CAST: variants seen among roughly 807,000 people sequenced by gnomAD.
CAST encodes MIR583 host.
Under a neutral mutation model 119.6 loss-of-function variants are expected in CAST, and 76 were observed. The observed-to-expected ratio is 0.64, with a 90% CI of 0.53 to 0.77. The LOEUF is 0.77. Among genes scored for constraint, CAST ranks in the 30% least tolerant of loss-of-function variants. The probability of loss-of-function intolerance (pLI) is 0.00; values close to 1 mark genes in which losing one functional copy is unlikely to be tolerated. For synonymous variants in CAST, 319 were observed against 331.6 expected, an observed-to-expected ratio of 0.96 and a Z score of 0.41; for missense variants, 953 against 946.5, an observed-to-expected ratio of 1.01 and a Z score of -0.09.
At chr5:96,325,225 G>T in the CAST span, among the ~76,000 whole-genome samples, 2 of 151,788 alleles carry the variant, frequency 1.3e-5, no homozygotes, top group African/African-American at 4.8e-5. Context: ...AAAATAAAAT[G>T]GTTGATTGGT....
chr5:96,380,782 A>C, the CAST span, among the ~76,000 whole-genome samples: 1 of 152,218 alleles, frequency 6.6e-6, no homozygotes, highest in Admixed American at 6.5e-5. Context: ...TGTATGATGA[A>C]ATGTGTCAAT....
the CAST span, among the ~76,000 whole-genome samples, chr5:96,315,419 A>G: frequency 6.6e-6 from 1 of 152,220 alleles, no homozygotes; most frequent in Non-Finnish European, 1.5e-5. Flanking sequence ...TCAGAAATGT[A>G]TAGTGAACAA....
At chr5:96,433,065 A>G in the CAST span, 16 of 1,610,352 alleles carry the variant, frequency 9.9e-6, no homozygotes, top group East Asian at 2.2e-5. Context: ...CGCTTGAACA[A>G]GAGTGGGAAG....
the CAST span, chr5:96,412,449 C>T: frequency 6.2e-7 from 1 of 1,613,826 alleles, no homozygotes; most frequent in Non-Finnish European, 8.5e-7. Context: ...ATTGAACTGG[C>T]CTCAATAGCA....
At chr5:96,667,371 C>T (rs55804164) in intron 1 of CAST, among the ~76,000 whole-genome samples, 7,809 of 152,272 alleles carry the variant, frequency 0.051, 209 homozygotes, top group Middle Eastern at 0.092. Context: ...CTGGCCTCCT[C>T]TTGCATTTCT....
the CAST span, among the ~76,000 whole-genome samples, chr5:96,266,463 ACT>A: frequency 6.6e-6 from 1 of 152,080 alleles, no homozygotes; most frequent in Non-Finnish European, 1.5e-5. Flanking sequence ...AGCCCTGGAA[ACT>A]CTGCTCTGTA....
chr5:96,476,474 T>C, the CAST span, among the ~76,000 whole-genome samples: 1 of 152,140 alleles, frequency 6.6e-6, no homozygotes, highest in Non-Finnish European at 1.5e-5. Flanking sequence ...ATTATGAAAA[T>C]ATTTAGGCAG....
At chr5:96,280,254 G>A in the CAST span, among the ~76,000 whole-genome samples, 1 of 152,012 alleles carries the variant, frequency 6.6e-6, no homozygotes, top group South Asian at 2.1e-4. Context: ...TTTTGTTGCT[G>A]TTTGGTAGTT....
rs951048876 is a variant in CAST, at chr5:96,726,871, C to T, written c.336+12C>T. 6 of 1,594,660 alleles carry T rather than the reference C, an allele frequency of 3.8e-6. No individual in the cohort carries two copies. The highest frequency in any genetic ancestry group is 1.7e-5 in the Admixed American group (1 of 59,682). On this transcript the variant is annotated intron_variant, in intron 5 of 31. Transcript: ENST00000675179. ...AACACAAAAAACAGGTGATGTTGTT[C>T]ATTGTACTAGGGCATCTCTGTTTAC...
At chr5:96,361,351 G>T in the CAST span, among the ~76,000 whole-genome samples, 2 of 152,022 alleles carry the variant, frequency 1.3e-5, no homozygotes, top group East Asian at 1.9e-4. Context: ...GTTCTGTTTC[G>T]CTGGCATTCC....
intron 1 of CAST, among the ~76,000 whole-genome samples, chr5:96,534,737 G>GAGAGAGAA (rs1561408818): frequency 7.0e-5 from 1 of 14,202 alleles, no homozygotes; most frequent in African/African-American, 2.2e-4. Context: ...GAGAGAGAGA[G>GAGAGAGAA]AGAGAAAGAA....
At chr5:96,388,633 A>T in the CAST span, among the ~76,000 whole-genome samples, 1 of 152,196 alleles carries the variant, frequency 6.6e-6, no homozygotes, top group Non-Finnish European at 1.5e-5. Flanking sequence ...ACAATCATTT[A>T]TATGAATGTT....
chr5:96,027,916 A>C, the CAST span, among the ~76,000 whole-genome samples: 1 of 152,148 alleles, frequency 6.6e-6, no homozygotes, highest in Non-Finnish European at 1.5e-5. Context: ...AGGTCTTGAA[A>C]TCAGAAAATT....
chr5:96,762,968 TC>T, intron 25 of CAST: 2 of 582,976 alleles, frequency 3.4e-6, no homozygotes, highest in Non-Finnish European at 6.2e-6. Flanking sequence ...TTTCCAGACT[TC>T]CTTGACTAAT....
At chr5:96,044,008 T>G in the CAST span, among the ~76,000 whole-genome samples, 8 of 152,234 alleles carry the variant, frequency 5.3e-5, no homozygotes, top group African/African-American at 1.9e-4. Flanking sequence ...TTGGAAGGAA[T>G]AAATGTATAG....
At chr5:96,212,795 G>A in the CAST span, among the ~76,000 whole-genome samples, 3 of 152,028 alleles carry the variant, frequency 2.0e-5, no homozygotes, top group African/African-American at 7.2e-5. Flanking sequence ...CGACTTCTAT[G>A]TTCTCTTGGT....
chr5:96,748,578 A>G lies in CAST; in HGVS notation c.1393A>G (p.Lys465Glu), dbSNP rs1561574407. ...LSEDFDRSECKEKPSKPTEKT... is the reference protein window; with the variant it reads ...LSEDFDRSECEEKPSKPTEKT... ...AGAAGATTTTGACCGGTCTGAATGT[A>G]AAGAGAAACCATCTAAGCCAACTGA... The change falls in exon 19 of 32, where the codon AAA becomes GAA. Residue 465 changes from lysine to glutamate, a missense_variant. Physicochemically the swap from Lys to Glu is moderately conservative, Grantham distance 56 (BLOSUM62 1). Transcript: ENST00000675179. The G allele has an allele frequency of 1.3e-6, 2 of 1,567,008 alleles. No individual in the cohort carries two copies. Among genetic ancestry groups the G allele is most frequent in the Non-Finnish European group, 1.8e-6 (2 of 1,137,460 alleles).
the CAST span, among the ~76,000 whole-genome samples, chr5:96,255,945 C>T: frequency 1.3e-5 from 2 of 152,144 alleles, no homozygotes; most frequent in East Asian, 3.9e-4. Flanking sequence ...GTCTTTGGGA[C>T]CCTCTGTTAA....
intron 6 of CAST, chr5:96,728,884 T>C (rs946299343): frequency 8.0e-6 from 3 of 375,936 alleles, no homozygotes; most frequent in African/African-American, 6.4e-5. Context: ...TTTAGAGACA[T>C]ACGTGTATTT....
Sources: allele counts gnomAD v4.1 joint callset (sites outside exome capture counted in the v4.1 genomes callset), GRCh38; gene constraint gnomAD v4.1.1; transcripts MANE v1.5; gene names NCBI Gene and HGNC (gene_info 2026-07-23, HGNC 2026-07-21).